Variants in SSUH2 observed in about 807,000 individuals in gnomAD.
The protein encoded by SSUH2 is protein SSUH2 homolog.
SSUH2 carries 47 observed loss-of-function variants against 55.3 expected under a neutral mutation model. That is an observed-to-expected ratio of 0.85 (90% CI 0.67 to 1.08). The LOEUF is 1.08. Among genes scored for constraint, SSUH2 ranks in the 50% least tolerant of loss-of-function variants. SSUH2 has a pLI of 0.00. For synonymous variants in SSUH2, 212 were observed against 191.5 expected, an observed-to-expected ratio of 1.11 and a Z score of -0.89; for missense variants, 535 against 490.7, an observed-to-expected ratio of 1.09 and a Z score of -0.85.
At chr3:8,663,906 T>A in intron 5 of SSUH2, 1 of 444,282 alleles carries the variant, frequency 2.3e-6, no homozygotes. Flanking sequence ...AGGAGGGAAC[T>A]GCTTTCTGAG....
intron 1 of SSUH2, among the ~76,000 whole-genome samples, chr3:8,680,658 C>T (rs1438364077): frequency 1.3e-5 from 2 of 152,066 alleles, no homozygotes; most frequent in African/African-American, 2.4e-5. Flanking sequence ...GTGGGTACAA[C>T]ATCCCTGGGG....
chr3:8,657,650 G>C (rs771493909), intron 7 of SSUH2, among the ~76,000 whole-genome samples: 58 of 152,194 alleles, frequency 3.8e-4, no homozygotes, highest in Non-Finnish European at 8.2e-4. Context: ...GAAGAGGAGG[G>C]AACAAAGGCT....
At chr3:8,659,804 G>C (rs749963658) in intron 6 of SSUH2, 1 of 456,302 alleles carries the variant, frequency 2.2e-6, no homozygotes, top group Non-Finnish European at 4.4e-6. Context: ...TCAGATACCT[G>C]CAGTCAGAAG....
At chr3:8,653,445 G>A (rs1244035978) in intron 7 of SSUH2, among the ~76,000 whole-genome samples, 5 of 152,146 alleles carry the variant, frequency 3.3e-5, no homozygotes, top group South Asian at 4.1e-4. Context: ...TTTAAAAAGC[G>A]TAAATGAAAT....
chr3:8,676,180 G>A (rs1705236705), intron 3 of SSUH2, among the ~76,000 whole-genome samples: 1 of 152,014 alleles, frequency 6.6e-6, no homozygotes, highest in South Asian at 2.1e-4. Flanking sequence ...CCCCTCTGGA[G>A]ATTATGAACT....
At chr3:8,671,800 C>T (rs551050265) in intron 4 of SSUH2, 3 of 131,604 alleles carry the variant, frequency 2.3e-5, no homozygotes, top group East Asian at 2.0e-4. Flanking sequence ...AGTAATATCA[C>T]CCCCCCTCTC....
rs191921073 is a variant in SSUH2 at position 8,679,397 on chromosome 3, G to A, written c.-901+308C>T. 4.4e-3 allele frequency among the ~76,000 whole-genome samples: 472 copies of A among 106,702 alleles called. 13 individuals are homozygous for A. Among genetic ancestry groups the A allele is most frequent in the South Asian group, 0.022 (62 of 2,794 alleles). 70.0% of individuals were successfully genotyped at this position (106,702 alleles called of 152,430 possible). On this transcript the variant is annotated intron_variant, in intron 2 of 18. Coordinates refer to the SSUH2 transcript ENST00000317371. Reference sequence around the variant, plus strand: ...AGGCATCCCCCAGGAGGAGGGGACTGAGAGCCAGCCCCTCTTCCCCCCCTG... The same window carrying A: ...AGGCATCCCCCAGGAGGAGGGGACTAAGAGCCAGCCCCTCTTCCCCCCCTG...
In SSUH2 at chr3:8,680,201, C is replaced by T. The variant is rs61107799; in HGVS notation, c.-1045-352G>A. ...ACAGGGTTTCTAAAGGATGGCCCCC[C>T]GTTTGAGGGCCTTGGCAGCAACTGC... On this transcript the variant is annotated intron_variant, in intron 1 of 18. Transcript: ENST00000317371. Among the ~76,000 whole-genome samples the T allele has an allele frequency of 6.9e-3, 1,046 of 151,702 alleles. 17 individuals are homozygous for T. The highest frequency in any genetic ancestry group is 0.024 in the African/African-American group (1,004 of 41,418).
chr3:8,681,328 G>A (rs1705931861), intron 1 of SSUH2, among the ~76,000 whole-genome samples: 2 of 147,004 alleles, frequency 1.4e-5, no homozygotes, highest in Admixed American at 1.3e-4. Context: ...GGGGGTGGAG[G>A]CACCCCCCGC....
intron 6 of SSUH2, chr3:8,663,594 A>G (rs923346534): frequency 3.4e-5 from 9 of 267,024 alleles, no homozygotes; most frequent in Non-Finnish European, 3.8e-5. Context: ...GCTGGGTGTG[A>G]TATCTCCAGC....
chr3:8,635,459 T>G, intron 2 of SSUH2, 78 bp from the exon 3 acceptor site: 1 of 1,050,814 alleles, frequency 9.5e-7, no homozygotes, highest in South Asian at 1.4e-5. Context: ...AAGGAAAGAC[T>G]GATTGAATGT....
chr3:8,620,098 G>A, intron 11 of SSUH2, 84 bp from the exon 12 acceptor site: 1 of 1,485,166 alleles, frequency 6.7e-7, no homozygotes, highest in East Asian at 2.3e-5. Flanking sequence ...GCTCCCTACT[G>A]TGTGTGGTAT....
chr3:8,645,547 C>T (rs867604851), upstream of SSUH2, among the ~76,000 whole-genome samples: 3 of 152,136 alleles, frequency 2.0e-5, no homozygotes, highest in Admixed American at 6.5e-5. Context: ...AGCTGGTCCC[C>T]GAGGCTCTAT....
At chr3:8,672,360 T>A (rs1348644653) in intron 3 of SSUH2, among the ~76,000 whole-genome samples, 1 of 152,064 alleles carries the variant, frequency 6.6e-6, no homozygotes, top group Non-Finnish European at 1.5e-5. Flanking sequence ...AATATCACAG[T>A]GTGGGTGTAC....
At position 8,633,732 on chromosome 3, in the gene SSUH2, G is replaced by A. The variant is rs776581339; in HGVS notation, c.273C>T (p.Cys91=). 1.3e-6 allele frequency: 2 copies of A among 1,594,522 alleles called. No homozygotes were observed. The highest frequency in any genetic ancestry group is 1.1e-5 in the South Asian group (1 of 89,192). The part of the protein sequence containing the change: ...EALLSFVDSK[C]CYSSTVAGDL... ...CTCCAGCCACCGTGCTGCTGTAGCA[G>A]CACTTAGAGTCCACAAAGCTGAGGA... The change falls in exon 4 of 12, where the codon TGC becomes TGT. Residue 91 remains cysteine, a synonymous_variant. Coordinates refer to ENST00000544814, the MANE Select transcript of SSUH2 (RefSeq NM_001256748.3).
intron 3 of SSUH2, chr3:8,634,571 C>T (rs1301391801): frequency 7.8e-7 from 1 of 1,289,832 alleles, no homozygotes. Flanking sequence ...GTCTTCAGAT[C>T]CATGGATGGC....
rs1250249220 is a variant in SSUH2, at chr3:8,623,609, G to A, written c.921C>T (p.Ser307=). The A allele has an allele frequency of 1.3e-6, 2 of 1,545,946 alleles. No individual in the cohort carries two copies. Among genetic ancestry groups the A allele is most frequent in the Admixed American group, 3.9e-5 (2 of 50,820 alleles). ...CGCTGTGCTCTGCAATGCCCCTCTG[G>A]GAGGCAAGAGAGATGTCTCGCAGAG... is the stretch of plus-strand genomic sequence containing the variant. ...DFPLRDISLA[S]QRGIAEHSAA... is the part of the protein sequence containing the mutation. The change falls in exon 11 of 12, where the codon TCC becomes TCT. Residue 307 remains serine, a synonymous_variant. Transcript: ENST00000544814.
chr3:8,635,235 G>A, intron 3 of SSUH2, 65 bp downstream of exon 3: 1 of 1,374,462 alleles, frequency 7.3e-7, no homozygotes, highest in Admixed American at 2.1e-5. Flanking sequence ...CCAGGGCTGA[G>A]ATCCTCAAGG....
chr3:8,649,150 C>T (rs900245627), upstream of SSUH2, among the ~76,000 whole-genome samples: 20 of 152,214 alleles, frequency 1.3e-4, no homozygotes, highest in African/African-American at 4.8e-4. Context: ...CCTCACAGGA[C>T]TTGATCCCAA....
Sources: gnomAD v4.1 joint callset for allele counts (sites outside exome capture counted in the v4.1 genomes callset) on GRCh38, gnomAD v4.1.1 for gene constraint, MANE v1.5 for transcripts, NCBI Gene and HGNC (gene_info 2026-07-23, HGNC 2026-07-21) for gene names.